The following ROBO1 variants were observed in gnomAD, a reference collection of about 807,000 sequenced individuals.
The protein encoded by ROBO1 is roundabout homolog 1.
Under a neutral mutation model 195.9 loss-of-function variants are expected in ROBO1, and 149 were observed. That is an observed-to-expected ratio of 0.76 (90% CI 0.67 to 0.87). The LOEUF is 0.87. Ranked by LOEUF, ROBO1 falls within the 40% of genes least tolerant of loss-of-function variation. ROBO1 has a pLI of 0.00. For synonymous variants in ROBO1, 816 were observed against 733.2 expected, an observed-to-expected ratio of 1.11 and a Z score of -1.82; for missense variants, 1,933 against 2,068.3, an observed-to-expected ratio of 0.93 and a Z score of 1.27.
intron 2 of ROBO1, among the ~76,000 whole-genome samples, chr3:79,543,523 C>A (rs1942153868): frequency 6.6e-6 from 1 of 152,038 alleles, no homozygotes; most frequent in African/African-American, 2.4e-5. Context: ...CTGATTATAC[C>A]TGTTAAACGG....
chr3:79,071,267 G>T (rs990096482), intron 3 of ROBO1, among the ~76,000 whole-genome samples: 2 of 151,068 alleles, frequency 1.3e-5, no homozygotes, highest in Non-Finnish European at 3.0e-5. Flanking sequence ...CATTTGATTT[G>T]TTTTTTTAAA....
chr3:78,947,179 G>C (rs1351161365), intron 3 of ROBO1, among the ~76,000 whole-genome samples: 1 of 152,112 alleles, frequency 6.6e-6, no homozygotes, highest in Non-Finnish European at 1.5e-5. Flanking sequence ...GGACCTAATA[G>C]ACATCTACAG....
At chr3:79,343,227 G>C (rs1421096072) in intron 2 of ROBO1, among the ~76,000 whole-genome samples, 2 of 152,028 alleles carry the variant, frequency 1.3e-5, no homozygotes, top group Non-Finnish European at 2.9e-5. Flanking sequence ...TTTATCCATT[G>C]AAAAATAAAT....
chr3:79,611,468 C>T (rs1278765039), intron 1 of ROBO1, among the ~76,000 whole-genome samples: 1 of 151,890 alleles, frequency 6.6e-6, no homozygotes. Flanking sequence ...GAAAGAATAG[C>T]AAAGACTTGG....
intron 5 of ROBO1, among the ~76,000 whole-genome samples, chr3:78,730,212 T>C (rs1399425075): frequency 6.6e-6 from 1 of 152,212 alleles, no homozygotes; most frequent in Non-Finnish European, 1.5e-5. Context: ...TTTTCCTCTC[T>C]CTGGGTTCTT....
intron 1 of ROBO1, among the ~76,000 whole-genome samples, chr3:79,766,718 C>A (rs891846860): frequency 7.2e-5 from 11 of 152,066 alleles, no homozygotes; most frequent in African/African-American, 2.7e-4. Flanking sequence ...GCCGCACCCG[C>A]GCCAACGCTG....
At chr3:79,478,227 T>C (rs56370139) in intron 2 of ROBO1, among the ~76,000 whole-genome samples, 8,542 of 152,094 alleles carry the variant, frequency 0.056, 380 homozygotes, top group Admixed American at 0.12. Context: ...GAAAGGTGAG[T>C]TGCCAAACGA....
At chr3:79,396,547 G>A (rs2037163775) in intron 2 of ROBO1, among the ~76,000 whole-genome samples, 1 of 151,926 alleles carries the variant, frequency 6.6e-6, no homozygotes, top group African/African-American at 2.4e-5. Context: ...TTATCTTCCA[G>A]TTCAAAAGAG....
intron 10 of ROBO1, among the ~76,000 whole-genome samples, chr3:78,677,252 G>A (rs967092533): frequency 2.6e-5 from 4 of 152,166 alleles, no homozygotes; most frequent in African/African-American, 9.7e-5. Context: ...AGGCTAGGAA[G>A]AAACTGCATC....
chr3:79,265,681 T>G (rs1014737944), intron 2 of ROBO1, among the ~76,000 whole-genome samples: 1 of 151,566 alleles, frequency 6.6e-6, no homozygotes, highest in African/African-American at 2.4e-5. Context: ...TTTCTTCATT[T>G]TTCAATCGAA....
intron 4 of ROBO1, among the ~76,000 whole-genome samples, chr3:78,843,823 A>C (rs2033456097): frequency 6.6e-6 from 1 of 152,114 alleles, no homozygotes; most frequent in Admixed American, 6.6e-5. Context: ...GACCTATATA[A>C]TAAATTAAGC....
chr3:79,736,482 T>C (rs1450248295), intron 1 of ROBO1, among the ~76,000 whole-genome samples: 1 of 152,158 alleles, frequency 6.6e-6, no homozygotes, highest in Non-Finnish European at 1.5e-5. Flanking sequence ...AGGAACTAAC[T>C]GGTAAGTAAC....
At chr3:78,894,305 C>T (rs1576359103) in intron 4 of ROBO1, among the ~76,000 whole-genome samples, 1 of 152,088 alleles carries the variant, frequency 6.6e-6, no homozygotes, top group East Asian at 1.9e-4. Context: ...TATATTTCTA[C>T]TAAATTTTAA....
At chr3:79,211,204 C>T (rs1244021435) in intron 2 of ROBO1, among the ~76,000 whole-genome samples, 1 of 151,938 alleles carries the variant, frequency 6.6e-6, no homozygotes, top group African/African-American at 2.4e-5. Flanking sequence ...CTGAATGAGA[C>T]AGTCAATCAA....
intron 4 of ROBO1, among the ~76,000 whole-genome samples, chr3:78,804,806 T>C (rs1322973647): frequency 6.7e-6 from 1 of 150,116 alleles, no homozygotes; most frequent in Non-Finnish European, 1.5e-5. Context: ...CAACTTTTCC[T>C]CTGGACAAGT....
intron 4 of ROBO1, among the ~76,000 whole-genome samples, chr3:78,883,383 G>A (rs913280320): frequency 4.0e-5 from 6 of 151,766 alleles, no homozygotes; most frequent in African/African-American, 1.5e-4. Context: ...AACCACATGA[G>A]ACGCAGATAT....
chr3:79,037,875 A>G (rs2078408733), intron 3 of ROBO1, among the ~76,000 whole-genome samples: 1 of 152,318 alleles, frequency 6.6e-6, no homozygotes, highest in South Asian at 2.1e-4. Context: ...ATAGTTAGCT[A>G]TCCCTTTGAT....
chr3:79,407,468 C>T (rs1415951295), intron 2 of ROBO1, among the ~76,000 whole-genome samples: 4 of 152,110 alleles, frequency 2.6e-5, no homozygotes, highest in African/African-American at 9.7e-5. Flanking sequence ...TTTAGTTCCA[C>T]TTTTATAAAC....
intron 17 of ROBO1, among the ~76,000 whole-genome samples, 195 bp from the exon 18 acceptor site, chr3:78,657,464 G>A (rs2107649048): frequency 6.6e-6 from 1 of 152,268 alleles, no homozygotes; most frequent in South Asian, 2.1e-4. Flanking sequence ...GTTAAAAGTA[G>A]TTTCAAGGCA....
Sources: gnomAD v4.1 joint callset for allele counts (sites outside exome capture counted in the v4.1 genomes callset) on GRCh38, gnomAD v4.1.1 for gene constraint, MANE v1.5 for transcripts, NCBI Gene and HGNC (gene_info 2026-07-23, HGNC 2026-07-21) for gene names.